Variants in UBE3D observed in about 807,000 individuals in gnomAD.
The protein encoded by UBE3D is ubiquitin protein ligase E3D.
UBE3D carries 48 observed loss-of-function variants against 49.6 expected under a neutral mutation model. That is an observed-to-expected ratio of 0.97 (90% CI 0.77 to 1.23). The LOEUF (loss-of-function observed/expected upper bound fraction) is 1.23, where lower values mean the gene tolerates loss of function less well. Ranked by LOEUF, UBE3D falls within the 50% of genes most tolerant of loss-of-function variation. The pLI is 0.00. For synonymous variants in UBE3D, 189 were observed against 174.2 expected, an observed-to-expected ratio of 1.08 and a Z score of -0.67; for missense variants, 452 against 468.4, an observed-to-expected ratio of 0.96 and a Z score of 0.32.
At chr6:82,911,472 C>T (rs951853987) in intron 9 of UBE3D, among the ~76,000 whole-genome samples, 2 of 152,276 alleles carry the variant, frequency 1.3e-5, no homozygotes, top group African/African-American at 4.8e-5. Flanking sequence ...TTTCTAATTA[C>T]ATGAAAATAA....
At chr6:82,945,485 C>A (rs1775332968) in intron 9 of UBE3D, among the ~76,000 whole-genome samples, 2 of 152,194 alleles carry the variant, frequency 1.3e-5, no homozygotes. Context: ...ACTTAGATCA[C>A]AACACCCAAG....
At chr6:83,006,643 A>C (rs1380024773) in intron 8 of UBE3D, among the ~76,000 whole-genome samples, 1 of 152,166 alleles carries the variant, frequency 6.6e-6, no homozygotes, top group Non-Finnish European at 1.5e-5. Context: ...GAAAAAAATA[A>C]ATGTCTGTTG....
intron 5 of UBE3D, among the ~76,000 whole-genome samples, chr6:83,031,307 C>G (rs867300011): frequency 1.3e-5 from 2 of 152,206 alleles, no homozygotes; most frequent in Non-Finnish European, 2.9e-5. Flanking sequence ...CCATACCCAG[C>G]CTGGCGGAAG....
chr6:83,016,138 G>A (rs1780681529), intron 8 of UBE3D, among the ~76,000 whole-genome samples: 1 of 152,196 alleles, frequency 6.6e-6, no homozygotes, highest in Admixed American at 6.5e-5. Flanking sequence ...CTCTACAGGA[G>A]ATAAGATTCT....
chr6:83,015,673 G>A (rs563669841), intron 8 of UBE3D, among the ~76,000 whole-genome samples: 3 of 152,176 alleles, frequency 2.0e-5, no homozygotes, highest in Non-Finnish European at 4.4e-5. Flanking sequence ...TTAGGGGCCT[G>A]CCAGGACTTT....
chr6:82,963,232 A>T (rs539565464), intron 8 of UBE3D, among the ~76,000 whole-genome samples: 1 of 151,126 alleles, frequency 6.6e-6, no homozygotes, highest in African/African-American at 2.4e-5. Context: ...AAAAGAGAAC[A>T]AAATGGAAAG....
At chr6:82,989,647 C>T (rs1364893094) in intron 8 of UBE3D, among the ~76,000 whole-genome samples, 1 of 152,064 alleles carries the variant, frequency 6.6e-6, no homozygotes, top group African/African-American at 2.4e-5. Flanking sequence ...GGCGAGGTCC[C>T]GGATTTGTCT....
intron 1 of UBE3D, among the ~76,000 whole-genome samples, chr6:83,061,754 A>G (rs758082459): frequency 9.2e-5 from 14 of 152,228 alleles, no homozygotes; most frequent in Non-Finnish European, 1.6e-4. Flanking sequence ...CAAAGAAATC[A>G]ACAAATGCTT....
intron 8 of UBE3D, among the ~76,000 whole-genome samples, chr6:82,976,836 C>T (rs1029297719): frequency 2.6e-5 from 4 of 152,042 alleles, no homozygotes; most frequent in African/African-American, 9.7e-5. Context: ...AAAGGTAGGC[C>T]GGGCACAGTG....
At chr6:83,046,323 A>G (rs1357388609) in intron 3 of UBE3D, among the ~76,000 whole-genome samples, 1 of 152,134 alleles carries the variant, frequency 6.6e-6, no homozygotes, top group East Asian at 1.9e-4. Flanking sequence ...TACAGTTCAG[A>G]AGAGGGTACA....
chr6:82,995,490 TCACACACA>T lies in UBE3D; in HGVS notation c.1010+23475_1010+23482del, dbSNP rs56663287. Among the ~76,000 whole-genome samples the T allele has an allele frequency of 2.2e-5, 3 of 138,278 alleles. 1 individual carries two copies. Among genetic ancestry groups the T allele is most frequent in the African/African-American group, 8.4e-5 (3 of 35,690 alleles). 90.7% of individuals were successfully genotyped at this position (138,278 alleles called of 152,430 possible). A position where few individuals can be genotyped will look rare whatever the true frequency, so the allele number is the denominator to read the frequency against. On this transcript the variant is annotated intron_variant, in intron 8 of 9. Coordinates refer to ENST00000369747, the MANE Select transcript of UBE3D (RefSeq NM_198920.3). ...CCAGATAAAGGATTAATACTAACAA[TCACACACA>T]CACACACACACACACACAGTCACCA...
intron 9 of UBE3D, among the ~76,000 whole-genome samples, chr6:82,950,101 T>C (rs1775679386): frequency 6.6e-6 from 1 of 152,220 alleles, no homozygotes; most frequent in Admixed American, 6.5e-5. Flanking sequence ...ACGATACATT[T>C]GCACACTACC....
At chr6:83,024,844 T>G (rs1369784565) in intron 5 of UBE3D, among the ~76,000 whole-genome samples, 2 of 152,176 alleles carry the variant, frequency 1.3e-5, no homozygotes, top group Non-Finnish European at 2.9e-5. Flanking sequence ...ATTAACGGTA[T>G]AAATTTCAGG....
chr6:82,976,254 A>T (rs765384012), intron 8 of UBE3D, among the ~76,000 whole-genome samples: 1 of 152,234 alleles, frequency 6.6e-6, no homozygotes, highest in African/African-American at 2.4e-5. Flanking sequence ...TCATAGCACC[A>T]TAATAGCCTG....
chr6:82,986,085 A>G (rs1778470366), intron 8 of UBE3D, among the ~76,000 whole-genome samples: 1 of 152,170 alleles, frequency 6.6e-6, no homozygotes, highest in Admixed American at 6.5e-5. Flanking sequence ...GCTTTAGTTT[A>G]TTGAGTTTGT....
chr6:82,930,322 C>T (rs878920553), intron 9 of UBE3D, among the ~76,000 whole-genome samples: 4 of 152,096 alleles, frequency 2.6e-5, no homozygotes, highest in Admixed American at 6.5e-5. Flanking sequence ...TTATTAGCAG[C>T]GTGAGAATGA....
intron 9 of UBE3D, among the ~76,000 whole-genome samples, chr6:82,923,916 CTG>C (rs1773547036): frequency 2.0e-5 from 3 of 152,126 alleles, no homozygotes; most frequent in Admixed American, 2.0e-4. Flanking sequence ...AGCAAAAAAA[CTG>C]TGTGTTGGAA....
chr6:83,054,276 G>C (rs868698803), intron 2 of UBE3D, 38 bp from the exon 3 acceptor site: 2 of 1,485,704 alleles, frequency 1.3e-6, no homozygotes, highest in Non-Finnish European at 1.9e-6. Context: ...CTTAGAGATT[G>C]AAACAAATAT....
At chr6:83,031,294 C>T (rs956583909) in intron 5 of UBE3D, among the ~76,000 whole-genome samples, 2 of 152,210 alleles carry the variant, frequency 1.3e-5, no homozygotes, top group Non-Finnish European at 2.9e-5. Flanking sequence ...CAGGCATGAG[C>T]TACCATACCC....
Sources: gnomAD v4.1 joint callset for allele counts (sites outside exome capture counted in the v4.1 genomes callset) on GRCh38, gnomAD v4.1.1 for gene constraint, MANE v1.5 for transcripts, NCBI Gene and HGNC (gene_info 2026-07-23, HGNC 2026-07-21) for gene names.